Variants in ZNF827 observed in about 807,000 individuals in gnomAD.
ZNF827 encodes the protein zinc finger protein 827.
In ZNF827, 13 loss-of-function variants were observed where a neutral mutation model predicts 102.4. The ratio of observed to expected loss-of-function variants is 0.13; its 90% CI spans 0.08 to 0.20. The LOEUF is 0.20. Among genes scored for constraint, ZNF827 ranks in the 10% least tolerant of loss-of-function variants. The probability of loss-of-function intolerance (pLI) is 1.00; values close to 1 mark genes in which losing one functional copy is unlikely to be tolerated. For missense variants in ZNF827, 1,103 were observed against 1,344.4 expected (o/e 0.82, Z 2.81); for synonymous variants, 523 against 536.2 (o/e 0.98, Z 0.34).
chr4:145,860,182 A>C (rs1253079174), intron 5 of ZNF827, among the ~76,000 whole-genome samples: 1 of 152,166 alleles, frequency 6.6e-6, no homozygotes, highest in Non-Finnish European at 1.5e-5. Flanking sequence ...AAGAGATCCC[A>C]CTCATATAAT....
Position 145,765,688 on chromosome 4 carries a change from G to C in ZNF827, c.2911C>G (p.Leu971Val), listed in dbSNP as rs776955362. The C allele has an allele frequency of 3.1e-6, 5 of 1,614,166 alleles. No homozygotes were observed. The highest frequency in any genetic ancestry group is 4.2e-6 in the Non-Finnish European group (5 of 1,180,016). ...SESNSPSSSS[L>V]SALSDSANSK... ...TTGGCTGAATCACTCAGAGCTGAGA[G>C]GGAGGATGAAGAGGGGCTATTTGAT... Residue 971 changes from leucine to valine, a missense_variant, in exon 12 of 15, where the codon CTC (leucine) becomes GTC (valine). By Grantham distance (32) the Leu-to-Val change is conservative (BLOSUM62 1). Transcript: ENST00000508784. The surrounding 1 kb of genome is among the most constrained non-coding windows in gnomAD (Gnocchi z 4.7).
chr4:145,779,239 G>A, intron 9 of ZNF827, 135 bp downstream of exon 9: 1 of 1,202,492 alleles, frequency 8.3e-7, no homozygotes, highest in South Asian at 1.8e-5. Flanking sequence ...AAACATGCCA[G>A]AGAAAATGGC....
chr4:145,798,984 A>G (rs766440663), intron 8 of ZNF827, among the ~76,000 whole-genome samples: 6 of 152,244 alleles, frequency 3.9e-5, no homozygotes, highest in Non-Finnish European at 8.8e-5. Context: ...AGGCAATGTT[A>G]TCTAAAGTTG....
At chr4:145,798,912 T>G (rs1275300659) in intron 8 of ZNF827, among the ~76,000 whole-genome samples, 1 of 152,216 alleles carries the variant, frequency 6.6e-6, no homozygotes, top group African/African-American at 2.4e-5. Context: ...GTTCACAAAT[T>G]TAATGATCTC....
intron 2 of ZNF827, among the ~76,000 whole-genome samples, chr4:145,893,772 T>C (rs572202718): frequency 1.9e-4 from 29 of 152,320 alleles, no homozygotes; most frequent in Admixed American, 1.0e-3. Context: ...TAACCCTTTA[T>C]TGGAAATACA....
intron 8 of ZNF827, among the ~76,000 whole-genome samples, chr4:145,786,541 C>T (rs1196248687): frequency 6.6e-6 from 1 of 152,092 alleles, no homozygotes; most frequent in Non-Finnish European, 1.5e-5. Flanking sequence ...TTGAGGCATA[C>T]CTCAAACTGA....
chr4:145,841,077 G>A (rs547553593), intron 7 of ZNF827, among the ~76,000 whole-genome samples: 1 of 152,348 alleles, frequency 6.6e-6, no homozygotes, highest in East Asian at 1.9e-4. Context: ...CAAGCCAGGT[G>A]TGAGAAAGTA....
intron 8 of ZNF827, among the ~76,000 whole-genome samples, chr4:145,822,220 G>A (rs1743204993): frequency 6.6e-6 from 1 of 152,160 alleles, no homozygotes; most frequent in African/African-American, 2.4e-5. Flanking sequence ...GAAAAGCCCT[G>A]CCTGCAAAGC....
intron 8 of ZNF827, among the ~76,000 whole-genome samples, chr4:145,803,581 C>A (rs1459231665): frequency 6.6e-6 from 1 of 152,220 alleles, no homozygotes; most frequent in Admixed American, 6.5e-5. Flanking sequence ...ATATTATCAT[C>A]TTGAGAACAT....
chr4:145,801,739 G>C (rs940138695), intron 8 of ZNF827, among the ~76,000 whole-genome samples: 9 of 152,214 alleles, frequency 5.9e-5, no homozygotes, highest in African/African-American at 1.9e-4. Flanking sequence ...CCAAGGGTGG[G>C]ATGGAAATTA....
At chr4:145,878,624 G>C (rs1297584000) in intron 4 of ZNF827, among the ~76,000 whole-genome samples, 1 of 131,020 alleles carries the variant, frequency 7.6e-6, no homozygotes, top group Non-Finnish European at 1.6e-5. Context: ...GGAAAGGAAA[G>C]GAAAGGAAAG....
chr4:145,887,309 G>A (rs1750200499), intron 3 of ZNF827, among the ~76,000 whole-genome samples: 1 of 152,158 alleles, frequency 6.6e-6, no homozygotes, highest in Non-Finnish European at 1.5e-5. Context: ...GCCCCTCTCG[G>A]TAGGTTTCCT....
chr4:145,850,165 A>G (rs544014826), intron 5 of ZNF827, among the ~76,000 whole-genome samples: 247 of 152,154 alleles, frequency 1.6e-3, no homozygotes, highest in Non-Finnish European at 2.3e-3. Context: ...ACCTGCCACA[A>G]TATTCGGCTA....
chr4:145,768,802 T>TGAGTG (rs1735722961), intron 11 of ZNF827, among the ~76,000 whole-genome samples: 1 of 126,346 alleles, frequency 7.9e-6, no homozygotes, highest in South Asian at 2.8e-4. Context: ...GAGTTTGTGG[T>TGAGTG]GAGTGGAGAT....
intron 2 of ZNF827, among the ~76,000 whole-genome samples, chr4:145,899,026 CT>C (rs1467667246): frequency 6.6e-6 from 1 of 151,790 alleles, no homozygotes; most frequent in Non-Finnish European, 1.5e-5. Flanking sequence ...ATTTTTGTGG[CT>C]TTTTGTTGTT....
At chr4:145,873,467 G>A (rs1010492716) in intron 4 of ZNF827, among the ~76,000 whole-genome samples, 1 of 152,184 alleles carries the variant, frequency 6.6e-6, no homozygotes, top group African/African-American at 2.4e-5. Flanking sequence ...TGGGAGATAA[G>A]ATCTTTGAAG....
intron 2 of ZNF827, among the ~76,000 whole-genome samples, chr4:145,897,409 C>A (rs1751067086): frequency 6.6e-6 from 1 of 152,116 alleles, no homozygotes; most frequent in Non-Finnish European, 1.5e-5. Flanking sequence ...TGCGTATATA[C>A]CTTACCATAA....
chr4:145,777,247 T>C (rs1737251320), intron 9 of ZNF827, among the ~76,000 whole-genome samples: 1 of 152,230 alleles, frequency 6.6e-6, no homozygotes, highest in South Asian at 2.1e-4. Context: ...AGAAGTTTTG[T>C]GTTTGTATGA....
chr4:145,892,497 T>C (rs1203718880), intron 2 of ZNF827, 82 bp from the exon 3 acceptor site: 6 of 1,348,516 alleles, frequency 4.4e-6, no homozygotes, highest in Non-Finnish European at 6.0e-6. Flanking sequence ...TACACTGCCA[T>C]ATAAAAAGCA....
Sources: allele counts gnomAD v4.1 joint callset (sites outside exome capture counted in the v4.1 genomes callset), GRCh38; gene constraint gnomAD v4.1.1; non-coding constraint Gnocchi (gnomAD v3.1); transcripts MANE v1.5; gene names NCBI Gene and HGNC (gene_info 2026-07-23, HGNC 2026-07-21).